The following ZFR2 variants were observed in gnomAD, a reference collection of about 807,000 sequenced individuals.
ZFR2 encodes the protein zinc finger RNA-binding protein 2.
ZFR2 carries 104 observed loss-of-function variants against 105.7 expected under a neutral mutation model. That is an observed-to-expected ratio of 0.98 (90% confidence interval 0.84 to 1.16). The LOEUF (loss-of-function observed/expected upper bound fraction) is 1.16, where lower values mean the gene tolerates loss of function less well. Ranked by LOEUF, ZFR2 falls within the 50% of genes most tolerant of loss-of-function variation. The pLI is 0.00. For synonymous variants in ZFR2, 634 were observed against 597.7 expected, an observed-to-expected ratio of 1.06 and a Z score of -0.89; for missense variants, 1,425 against 1,355.5, an observed-to-expected ratio of 1.05 and a Z score of -0.80.
intron 18 of ZFR2, among the ~76,000 whole-genome samples, chr19:3,806,700 A>C (rs974928779): frequency 1.4e-4 from 21 of 152,138 alleles, no homozygotes; most frequent in African/African-American, 5.1e-4. Context: ...CACTGGAGGG[A>C]CCCCACATCC....
chr19:3,840,142 G>A (rs184071409), intron 1 of ZFR2, among the ~76,000 whole-genome samples: 141 of 152,172 alleles, frequency 9.3e-4, no homozygotes, highest in African/African-American at 3.3e-3. Context: ...CCTCCTACCT[G>A]GACAAAGGAT....
intron 16 of ZFR2, among the ~76,000 whole-genome samples, chr19:3,809,671 C>T (rs935437965): frequency 1.3e-5 from 2 of 152,186 alleles, no homozygotes; most frequent in African/African-American, 2.4e-5. Context: ...AGGTCCGGCG[C>T]GGTGGCTCAT....
At chr19:3,831,052 T>C (rs2038008253) in intron 5 of ZFR2, among the ~76,000 whole-genome samples, 1 of 150,158 alleles carries the variant, frequency 6.7e-6, no homozygotes, top group South Asian at 2.1e-4. Context: ...CACACATACA[T>C]GCACACTCAC....
At chr19:3,829,359 C>T (rs966934947) in intron 5 of ZFR2, among the ~76,000 whole-genome samples, 9 of 152,054 alleles carry the variant, frequency 5.9e-5, no homozygotes, top group African/African-American at 2.2e-4. Context: ...AGAGAGACTG[C>T]CTGTGGAATA....
chr19:3,855,559 G>A (rs2145187216), intron 1 of ZFR2: 3 of 768,106 alleles, frequency 3.9e-6, no homozygotes, highest in East Asian at 3.4e-5. Context: ...CCAGGAGGGT[G>A]CTGCGCGATA....
Position 3,816,776 on chromosome 19 carries a change from G to A in ZFR2, c.2001C>T (p.Leu667=). ...GGCGCACGTTCCTGTCCCCACGCAG[G>A]AGGAGGCCTTTCGCCAGGATGCCTA... ...MRVGILAKGL[L]LRGDRNVRLA... The change falls in exon 13 of 19, where the codon CTC becomes CTT. Residue 667 remains leucine (L), a synonymous_variant. Transcript: ENST00000262961. The A allele has an allele frequency of 6.2e-7, 1 of 1,608,634 alleles. No individual in the cohort carries two copies. Among genetic ancestry groups the A allele is most frequent in the Non-Finnish European group, 8.5e-7 (1 of 1,178,324 alleles).
Position 3,829,589 on chromosome 19 carries a change from T to G in ZFR2, c.852+1714A>C, listed in dbSNP as rs144993126. On this transcript the variant is annotated intron_variant, in intron 5 of 18. Transcript: ENST00000262961. ...GTGCAGTAGCGTGATCATAGCTCACTGCAGCCTTGGACTCCTGGGCTCAAA... is the reference window on the plus strand; with the variant it reads ...GTGCAGTAGCGTGATCATAGCTCACGGCAGCCTTGGACTCCTGGGCTCAAA... 1.7e-3 allele frequency among the ~76,000 whole-genome samples: 254 copies of G among 151,548 alleles called. 1 individual carries two copies. Among genetic ancestry groups the G allele is most frequent in the African/African-American group, 5.9e-3 (243 of 41,300 alleles).
rs78262210 is a variant in ZFR2 at position 3,811,218 on chromosome 19, G to A, written c.2337+54C>T. On this transcript the variant is annotated intron_variant, in intron 15 of 18. Coordinates refer to ENST00000262961, the MANE Select transcript of ZFR2 (RefSeq NM_015174.2). Reference sequence around the variant, plus strand: ...CGCCGGGTTGACCTGGTGCCTCTGAGCTACGTTCCTCAAAGTCACCCCTCT... The same window carrying A: ...CGCCGGGTTGACCTGGTGCCTCTGAACTACGTTCCTCAAAGTCACCCCTCT... 870 of 1,477,774 alleles carry A rather than the reference G, an allele frequency of 5.9e-4. 5 individuals carry two copies. In the African/African-American group the frequency reaches 0.011, roughly 18 times the overall value. The allele number at this position is 1,477,774 out of a possible 1,614,324, so 91.5% of individuals were successfully genotyped here.
At chr19:3,843,613 A>G (rs950188018) in intron 1 of ZFR2, among the ~76,000 whole-genome samples, 5 of 151,702 alleles carry the variant, frequency 3.3e-5, no homozygotes, top group Non-Finnish European at 5.9e-5. Context: ...CAGGCAGATC[A>G]CGAGGTCAGG....
chr19:3,853,795 T>G (rs1156869708), intron 1 of ZFR2, among the ~76,000 whole-genome samples: 3 of 151,934 alleles, frequency 2.0e-5, no homozygotes, highest in Non-Finnish European at 4.4e-5. Context: ...AGGCTGGGTG[T>G]GGTGGCTCAC....
At chr19:3,866,062 G>C (rs957230621) in intron 1 of ZFR2, among the ~76,000 whole-genome samples, 2 of 152,014 alleles carry the variant, frequency 1.3e-5, no homozygotes, top group African/African-American at 4.8e-5. Flanking sequence ...GGCTGGTCTC[G>C]AACTCCTGAC....
At chr19:3,810,481 G>A (rs1599218915) in intron 16 of ZFR2, among the ~76,000 whole-genome samples, 1 of 152,144 alleles carries the variant, frequency 6.6e-6, no homozygotes, top group South Asian at 2.1e-4. Flanking sequence ...CCGGTGCCAC[G>A]AAGTCGGGCA....
chr19:3,868,544 G>C (rs1489064302), intron 1 of ZFR2, among the ~76,000 whole-genome samples: 4 of 151,820 alleles, frequency 2.6e-5, no homozygotes, highest in Non-Finnish European at 5.9e-5. Context: ...CCCTGCATTG[G>C]GTCAGTTCCG....
chr19:3,813,895 AG>A lies in ZFR2; in HGVS notation c.2166del (p.Cys723ValfsTer16), dbSNP rs1189746208. On this transcript the variant is annotated frameshift_variant, in exon 14 of 19. Coordinates refer to ENST00000262961, the MANE Select transcript of ZFR2 (RefSeq NM_015174.2). LOFTEE classifies it high-confidence loss of function. This position sits in a 1 kb window ranked among gnomAD's most constrained non-coding sequence, Gnocchi z 4.4. ...GTGACCTGCATCCTGGGCTCCTCAC[AG>A]GAGGAGATGACAATGTTGGCTTCAG... ...SDPEANIVIS[S>X]CEEPRMQVTI... The A allele has an allele frequency of 3.1e-6, 5 of 1,613,858 alleles. No homozygotes were observed. The highest frequency in any genetic ancestry group is 4.2e-6 in the Non-Finnish European group (5 of 1,179,882).
At chr19:3,829,752 G>A (rs1453466346) in intron 5 of ZFR2, among the ~76,000 whole-genome samples, 2 of 152,152 alleles carry the variant, frequency 1.3e-5, no homozygotes, top group East Asian at 1.9e-4. Flanking sequence ...GGGCTCAAGC[G>A]ATCTACCGGC....
chr19:3,827,098 C>T (rs918245305), intron 6 of ZFR2, among the ~76,000 whole-genome samples: 2 of 151,984 alleles, frequency 1.3e-5, no homozygotes, highest in African/African-American at 2.4e-5. Context: ...AAAAATTAGC[C>T]GGGTGCGGTG....
intron 12 of ZFR2, among the ~76,000 whole-genome samples, chr19:3,817,052 T>A (rs1019292805): frequency 1.3e-5 from 2 of 152,100 alleles, no homozygotes; most frequent in Admixed American, 1.3e-4. Context: ...GGAGGTGCTG[T>A]CACCGGGCAT....
rs1161033015 is a variant in ZFR2, at chr19:3,807,368, G to A, written c.2546-99C>T. ...CGACACCGTGGGGCCTCAGGGGCCC[G>A]TGCATGGGGCTATACTTGCAGCCGT... is the stretch of plus-strand genomic sequence containing the variant. On this transcript the variant is annotated intron_variant, in intron 17 of 18. Transcript: ENST00000262961. 15 of 835,176 alleles carry A rather than the reference G, an allele frequency of 1.8e-5. 1 individual carries two copies. The highest frequency in any genetic ancestry group is 9.5e-5 in the South Asian group (6 of 63,158). The allele number at this position is 835,176 out of a possible 1,614,324, so 51.7% of individuals were successfully genotyped here. A position where few individuals can be genotyped will look rare whatever the true frequency, so the allele number is the denominator to read the frequency against.
chr19:3,868,293 A>G (rs1359922230), intron 1 of ZFR2, among the ~76,000 whole-genome samples: 2 of 142,156 alleles, frequency 1.4e-5, no homozygotes, highest in Non-Finnish European at 3.1e-5. Context: ...CTCCTCCCCT[A>G]CAAGTAATCG....
Sources: allele counts gnomAD v4.1 joint callset (sites outside exome capture counted in the v4.1 genomes callset), GRCh38; gene constraint gnomAD v4.1.1; non-coding constraint Gnocchi (gnomAD v3.1); transcripts MANE v1.5; gene names NCBI Gene and HGNC (gene_info 2026-07-23, HGNC 2026-07-21).